Variants in NUP35 observed in about 807,000 individuals in gnomAD.
NUP35 encodes the protein nucleoporin 35.
NUP35 carries 25 observed loss-of-function variants against 41.5 expected under a neutral mutation model. That is an observed-to-expected ratio of 0.60 (90% CI 0.44 to 0.84). The LOEUF (loss-of-function observed/expected upper bound fraction) is 0.84, where lower values mean the gene tolerates loss of function less well. NUP35 is among the 40% of genes least tolerant of loss of function. The probability of loss-of-function intolerance (pLI) is 0.00; values close to 1 mark genes in which losing one functional copy is unlikely to be tolerated. For missense variants in NUP35, 396 were observed against 396.6 expected, an observed-to-expected ratio of 1.00 and a Z score of 0.01; for synonymous variants, 149 against 130.7, an observed-to-expected ratio of 1.14 and a Z score of -0.96.
At chr2:183,159,399 T>C (rs1685785810) in intron 7 of NUP35, 89 bp from the exon 8 acceptor site, 4 of 1,002,226 alleles carry the variant, frequency 4.0e-6, no homozygotes, top group Non-Finnish European at 5.7e-6. Flanking sequence ...TTCATCTTTA[T>C]CTTTTAATTA....
At chr2:183,154,982 C>T (rs1473262355) in intron 5 of NUP35, among the ~76,000 whole-genome samples, 1 of 151,988 alleles carries the variant, frequency 6.6e-6, no homozygotes, top group African/African-American at 2.4e-5. Context: ...AAGCGGAAGC[C>T]CCTGATAAAC....
chr2:183,137,264 G>T (rs548345774), intron 4 of NUP35, among the ~76,000 whole-genome samples: 6 of 152,148 alleles, frequency 3.9e-5, no homozygotes, highest in Non-Finnish European at 8.8e-5. Context: ...GGTGGATGAT[G>T]ATGCTTTGTT....
At chr2:183,139,024 G>T (rs1440586889) in intron 4 of NUP35, among the ~76,000 whole-genome samples, 1 of 152,040 alleles carries the variant, frequency 6.6e-6, no homozygotes, top group Non-Finnish European at 1.5e-5. Flanking sequence ...ACTCCTTCAA[G>T]ACAGAGATTT....
chr2:183,131,135 T>C, intron 3 of NUP35: 1 of 251,866 alleles, frequency 4.0e-6, no homozygotes, highest in Non-Finnish European at 8.8e-6. Context: ...CTGCTATGCC[T>C]GGCTAATTGT....
chr2:183,153,675 T>C (rs957801717), intron 5 of NUP35, among the ~76,000 whole-genome samples: 2 of 152,138 alleles, frequency 1.3e-5, no homozygotes, highest in African/African-American at 2.4e-5. Context: ...ACAGCCTCCC[T>C]CCTGGCTGTT....
At chr2:183,154,994 C>T (rs1220423161) in intron 5 of NUP35, among the ~76,000 whole-genome samples, 2 of 151,786 alleles carry the variant, frequency 1.3e-5, no homozygotes, top group East Asian at 2.0e-4. Flanking sequence ...CTGATAAACG[C>T]GTCAGATCTT....
chr2:183,146,974 CTG>C (rs1685303133), intron 4 of NUP35, among the ~76,000 whole-genome samples: 1 of 152,164 alleles, frequency 6.6e-6, no homozygotes, highest in Admixed American at 6.5e-5. Flanking sequence ...TGCAGTCTCT[CTG>C]TTGATTAGTG....
rs1685381608 is a variant in NUP35 at position 183,149,232 on chromosome 2, A to G, written c.398-2276A>G. On this transcript the variant is annotated intron_variant, in intron 4 of 8. Coordinates refer to ENST00000295119, the MANE Select transcript of NUP35 (RefSeq NM_138285.5). ...TAGTTTTGTAGTTTTTACCTTGTTT[A>G]TACTCTTAAAAATTAAAGAGCTTTT... Among the ~76,000 whole-genome samples, 4 of 152,294 alleles carry G rather than the reference A, an allele frequency of 2.6e-5. No individual in the cohort carries two copies. The South Asian group carries it at 8.3e-4, about 32-fold the overall frequency.
chr2:183,151,640 C>A lies in NUP35; in HGVS notation c.530C>A (p.Thr177Asn), dbSNP rs1327869385. ...GATCACCTCGATGACTCTTGGGTGA[C>A]TGTATTTGGGTAAGGTTTGCAGACC... ...SEDHLDDSWV[T>N]VFGFPQASAS... is the part of the protein sequence containing the mutation. Residue 177 changes from threonine (T) to asparagine (N), a missense_variant, in exon 5 of 9, where the codon ACT becomes AAT. Thr to Asn is a moderately conservative substitution (Grantham distance 65). Transcript: ENST00000295119. The A allele has an allele frequency of 2.5e-6, 4 of 1,613,002 alleles. No homozygotes were observed. In the South Asian group the frequency reaches 3.3e-5, roughly 13 times the overall value.
chr2:183,122,150 C>T (rs960235112), upstream of NUP35, among the ~76,000 whole-genome samples: 1 of 151,476 alleles, frequency 6.6e-6, no homozygotes, highest in East Asian at 1.9e-4. Context: ...GGTCTTGGCT[C>T]ACTGCAACCT....
chr2:183,130,476 A>T lies in NUP35; in HGVS notation c.270A>T (p.Pro90=). Residue 90 remains proline (P), a synonymous_variant, in exon 3 of 9, where the codon CCA becomes CCT. Transcript: ENST00000295119. ...ATAAAGATAAAAGTGGCGCTCCACC[A>T]GTTAGAAGTATATATGATGACATTT... ...PAHKDKSGAP[P]VRSIYDDISS... The T allele has an allele frequency of 3.1e-6, 5 of 1,607,834 alleles. No homozygotes were observed. The highest frequency in any genetic ancestry group is 4.2e-6 in the Non-Finnish European group (5 of 1,179,046).
rs1053492479 is a variant in NUP35, at chr2:183,140,056, T to A, written c.397+6433T>A. On this transcript the variant is annotated intron_variant, in intron 4 of 8. Coordinates refer to ENST00000295119, the MANE Select transcript of NUP35 (RefSeq NM_138285.5). ...TAATACTGAATAAAAACTATCCTTATTCTAGACTATGTAGCTTCTTATTGC... is the reference window on the plus strand; with the variant it reads ...TAATACTGAATAAAAACTATCCTTAATCTAGACTATGTAGCTTCTTATTGC... Among the ~76,000 whole-genome samples the A allele has an allele frequency of 6.6e-5, 10 of 152,354 alleles. No individual in the cohort carries two copies. The South Asian group carries it at 2.1e-3, about 32-fold the overall frequency.
Position 183,134,152 on chromosome 2 carries a change from AATC to A in NUP35, c.397+535_397+537del, listed in dbSNP as rs557019128. On this transcript the variant is annotated intron_variant, in intron 4 of 8. Transcript: ENST00000295119. Reference sequence around the variant, plus strand: ...TCTTTAAGATTAATGGCTTTTTAATAATCATCATTATGCTTAGCACAGTTCTTC... The same window carrying A: ...TCTTTAAGATTAATGGCTTTTTAATAATCATTATGCTTAGCACAGTTCTTC... Among the ~76,000 whole-genome samples the A allele has an allele frequency of 8.5e-5, 13 of 152,362 alleles. No homozygotes were observed. In the South Asian group the frequency reaches 2.3e-3, roughly 27 times the overall value.
At chr2:183,124,335 A>G (rs1431509664), upstream of NUP35, 1 of 1,576,666 alleles carries the variant, frequency 6.3e-7, no homozygotes, top group Non-Finnish European at 8.6e-7. Flanking sequence ...CAACTTAAGC[A>G]TAGCGCAGGT....
intron 4 of NUP35, among the ~76,000 whole-genome samples, chr2:183,142,465 T>C (rs570232289): frequency 5.7e-4 from 87 of 151,924 alleles, no homozygotes; most frequent in African/African-American, 2.0e-3. Flanking sequence ...TTTTTTTTTT[T>C]GGTGGGGGGT....
rs13384868 is a variant in NUP35, at chr2:183,124,951, G to T, written c.40+454G>T. Among the ~76,000 whole-genome samples, 51 of 149,678 alleles carry T rather than the reference G, an allele frequency of 3.4e-4. 1 individual carries two copies. Among genetic ancestry groups the T allele is most frequent in the African/African-American group, 1.2e-3 (46 of 39,020 alleles). ...GCAGTCCACTGCTTCTTGATCACCGGTGCTTCCAGTTCCTGTTTTGACTCC... is the reference window on the plus strand; with the variant it reads ...GCAGTCCACTGCTTCTTGATCACCGTTGCTTCCAGTTCCTGTTTTGACTCC... On this transcript the variant is annotated intron_variant, in intron 1 of 8. Coordinates refer to ENST00000295119, the MANE Select transcript of NUP35 (RefSeq NM_138285.5).
rs765404655 is a variant in NUP35, at chr2:183,157,557, G to T, written c.609+44G>T. ...CAGTTCAGAGTTTTGACTAAAGAGGGATAAGTTGTGAATTGAGAGAAACTG... is the reference window on the plus strand; with the variant it reads ...CAGTTCAGAGTTTTGACTAAAGAGGTATAAGTTGTGAATTGAGAGAAACTG... On this transcript the variant is annotated intron_variant, in intron 6 of 8. Coordinates refer to ENST00000295119, the MANE Select transcript of NUP35 (RefSeq NM_138285.5). 3 of 1,291,848 alleles carry T rather than the reference G, an allele frequency of 2.3e-6. No individual in the cohort carries two copies. The Admixed American group carries it at 5.6e-5, about 24-fold the overall frequency. 80.0% of individuals were successfully genotyped at this position (1,291,848 alleles called of 1,614,324 possible).
At chr2:183,124,226 AC>A, upstream of NUP35, 1 of 1,034,400 alleles carries the variant, frequency 9.7e-7, no homozygotes, top group Non-Finnish European at 1.3e-6. Context: ...CATTCACAGA[AC>A]CATACGCTGG....
chr2:183,126,128 C>T (rs375408009), intron 1 of NUP35, among the ~76,000 whole-genome samples: 1 of 152,162 alleles, frequency 6.6e-6, no homozygotes, highest in Admixed American at 6.5e-5. Context: ...CCTCCCCCTC[C>T]GGGCTCAAGC....
Sources: allele counts gnomAD v4.1 joint callset (sites outside exome capture counted in the v4.1 genomes callset), GRCh38; gene constraint gnomAD v4.1.1; transcripts MANE v1.5; gene names NCBI Gene and HGNC (gene_info 2026-07-23, HGNC 2026-07-21).